The following KIRREL3 variants were observed in gnomAD, a reference collection of about 807,000 sequenced individuals.
The protein encoded by KIRREL3 is kin of IRRE-like protein 3.
A neutral mutation model predicts 89.7 loss-of-function variants in KIRREL3; 36 were observed. That is an observed-to-expected ratio of 0.40 (90% CI 0.31 to 0.53). The LOEUF (loss-of-function observed/expected upper bound fraction) is 0.53. Among genes scored for constraint, KIRREL3 ranks in the 20% least tolerant of loss-of-function variants. The pLI is 0.49. For missense variants in KIRREL3, 864 were observed against 1,056.6 expected, an observed-to-expected ratio of 0.82 and a Z score of 2.53; for synonymous variants, 445 against 441.4, an observed-to-expected ratio of 1.01 and a Z score of -0.10.
In KIRREL3 at chr11:126,923,236, T is replaced by C. The variant is rs1310706515; in HGVS notation, c.55+77219A>G. On this transcript the variant is annotated intron_variant, in intron 1 of 16. Transcript: ENST00000525144. ...TTCTTCTTCTTCTTCTTCTTCTTCT[T>C]CTTCTTCTTCTTCTTCTTCTTCTTC... Among the ~76,000 whole-genome samples, 27 of 46,142 alleles carry C rather than the reference T, an allele frequency of 5.9e-4. 1 individual carries two copies. The highest frequency in any genetic ancestry group is 5.0e-3 in the East Asian group (14 of 2,822). 30.3% of individuals were successfully genotyped at this position (46,142 alleles called of 152,430 possible).
At chr11:126,855,763 C>T (rs1820429311) in intron 1 of KIRREL3, among the ~76,000 whole-genome samples, 1 of 152,172 alleles carries the variant, frequency 6.6e-6, no homozygotes, top group Admixed American at 6.5e-5. Context: ...GGTCTAATGC[C>T]AGACTTGACA....
rs1956565063 is a variant in KIRREL3 at position 126,462,065 on chromosome 11, C to T, written c.742+1092G>A. 6.6e-6 allele frequency among the ~76,000 whole-genome samples: 1 copy of T among 152,168 alleles called. No individual in the cohort carries two copies. The highest frequency in any genetic ancestry group is 1.5e-5 in the Non-Finnish European group (1 of 68,020). ...AGAGGAAGGCCCCTGGAACACCTTG[C>T]TGAGCTCTTCTTGGTTCTGGGGCTG... On this transcript the variant is annotated intron_variant, in intron 6 of 16. Coordinates refer to ENST00000525144, the MANE Select transcript of KIRREL3 (RefSeq NM_032531.4). This position sits in a 1 kb window ranked among gnomAD's most constrained non-coding sequence, Gnocchi z 4.8.
At chr11:126,737,345 C>T (rs1259557585) in intron 1 of KIRREL3, among the ~76,000 whole-genome samples, 1 of 152,032 alleles carries the variant, frequency 6.6e-6, no homozygotes, top group Non-Finnish European at 1.5e-5. Flanking sequence ...AGAGACGGCA[C>T]AAGGCACAGT....
At position 126,995,208 on chromosome 11, in the gene KIRREL3, C is replaced by T. The variant is rs1344359336; in HGVS notation, c.55+5247G>A. 2.2e-6 allele frequency: 1 copy of T among 456,242 alleles called. No individual in the cohort carries two copies. Among genetic ancestry groups the T allele is most frequent in the Non-Finnish European group, 4.4e-6 (1 of 226,964 alleles). 28.3% of individuals were successfully genotyped at this position (456,242 alleles called of 1,614,324 possible). On this transcript the variant is annotated intron_variant, in intron 1 of 16. Coordinates refer to ENST00000525144, the MANE Select transcript of KIRREL3 (RefSeq NM_032531.4). This position sits in a 1 kb window ranked among gnomAD's most constrained non-coding sequence, Gnocchi z 6.5. ...CCCCAGAGCAGCTGCTCCCACCGAC[C>T]CTGCTCCAAGAGTGCTGGGATGTCC... is the stretch of plus-strand genomic sequence containing the variant.
intron 4 of KIRREL3, among the ~76,000 whole-genome samples, chr11:126,500,077 A>G (rs1957806289): frequency 6.6e-6 from 1 of 152,190 alleles, no homozygotes; most frequent in African/African-American, 2.4e-5. Flanking sequence ...TATGATTTCA[A>G]TGTAAATGCT....
rs189763877 is a variant in KIRREL3, at chr11:126,912,017, G to T, written c.55+88438C>A. Among the ~76,000 whole-genome samples the T allele has an allele frequency of 2.0e-5, 3 of 151,468 alleles. No homozygotes were observed. The stretch of plus-strand genomic sequence containing the variant: ...AAAAAAAAAAAAGAACGGCAACTGG[G>T]ATGACTCAGTAGAGACTGGGAAGGA... On this transcript the variant is annotated intron_variant, in intron 1 of 16. Transcript: ENST00000525144. This position sits in a 1 kb window ranked among gnomAD's most constrained non-coding sequence, Gnocchi z 4.7.
chr11:126,790,233 G>A (rs1950596645), intron 1 of KIRREL3, among the ~76,000 whole-genome samples: 1 of 152,172 alleles, frequency 6.6e-6, no homozygotes, highest in Non-Finnish European at 1.5e-5. Context: ...ACATTGCACT[G>A]GGCTTTAAGC....
chr11:126,424,467 T>A lies in KIRREL3; in HGVS notation c.*113A>T, dbSNP rs1486141012. 1.0e-6 allele frequency: 1 copy of A among 967,466 alleles called. No individual in the cohort carries two copies. Among genetic ancestry groups the A allele is most frequent in the Non-Finnish European group, 1.5e-6 (1 of 654,058 alleles). The allele number at this position is 967,466 out of a possible 1,614,324, so 59.9% of individuals were successfully genotyped here. On this transcript the variant is annotated 3_prime_UTR_variant, in exon 17 of 17. Coordinates refer to ENST00000525144, the MANE Select transcript of KIRREL3 (RefSeq NM_032531.4). ...GGCAGTGGCAGAGGCGCTGGGAGGC[T>A]GTCCTGGAAGTGGCCAATTCTGGTG...
chr11:126,994,324 C>T lies in KIRREL3; in HGVS notation c.55+6131G>A, dbSNP rs146904424. Among the ~76,000 whole-genome samples, 24 of 152,280 alleles carry T rather than the reference C, an allele frequency of 1.6e-4. No individual in the cohort carries two copies. The East Asian group carries it at 4.6e-3, about 29-fold the overall frequency. On this transcript the variant is annotated intron_variant, in intron 1 of 16. Coordinates refer to ENST00000525144, the MANE Select transcript of KIRREL3 (RefSeq NM_032531.4). This position sits in a 1 kb window ranked among gnomAD's most constrained non-coding sequence, Gnocchi z 5.2. The stretch of plus-strand genomic sequence containing the variant: ...TTGGCTGCCCCCTTTGCAGTTATTT[C>T]CAAGGAGAAGAAGGATGACTTCCTC...
rs1940152990 is a variant in KIRREL3 at position 126,561,913 on chromosome 11, A to T, written c.133+922T>A. ...GGAAAGAGGGCACTGAGACCATGCT[A>T]TGGGGATAGAGATGGTAGAAAGAAG... On this transcript the variant is annotated intron_variant, in intron 2 of 16. Coordinates refer to ENST00000525144, the MANE Select transcript of KIRREL3 (RefSeq NM_032531.4). This position sits in a 1 kb window ranked among gnomAD's most constrained non-coding sequence, Gnocchi z 4.5. 6.6e-6 allele frequency among the ~76,000 whole-genome samples: 1 copy of T among 152,106 alleles called. No individual in the cohort carries two copies. The highest frequency in any genetic ancestry group is 2.4e-5 in the African/African-American group (1 of 41,430).
At position 126,965,725 on chromosome 11, in the gene KIRREL3, G is replaced by A. The variant is rs619086; in HGVS notation, c.55+34730C>T. 0.83 allele frequency among the ~76,000 whole-genome samples: 125,703 copies of A among 151,998 alleles called. 52,126 individuals are homozygous for A. The highest frequency in any genetic ancestry group is 0.93 in the Middle Eastern group (271 of 292). The stretch of plus-strand genomic sequence containing the variant: ...TTATTTCCTTCTGACTTTGGAGTGC[G>A]TTATTTTCCCGTGTTTTACGTTGGC... On this transcript the variant is annotated intron_variant, in intron 1 of 16. Transcript: ENST00000525144. This position sits in a 1 kb window ranked among gnomAD's most constrained non-coding sequence, Gnocchi z 4.4.
Position 126,489,506 on chromosome 11 carries a change from T to C in KIRREL3, c.434-16040A>G, listed in dbSNP as rs1957453223. 6.6e-6 allele frequency among the ~76,000 whole-genome samples: 1 copy of C among 152,200 alleles called. No individual in the cohort carries two copies. Among genetic ancestry groups the C allele is most frequent in the South Asian group, 2.1e-4 (1 of 4,830 alleles). On this transcript the variant is annotated intron_variant, in intron 4 of 16. Transcript: ENST00000525144. This position sits in a 1 kb window ranked among gnomAD's most constrained non-coding sequence, Gnocchi z 5.5. ...TTCCAAAAGCTTCCTGATGGCCCTA[T>C]TGTTACTCCATCTTGGATTCCTGGG...
Position 126,838,933 on chromosome 11 carries a change from A to G in KIRREL3, c.55+161522T>C, listed in dbSNP as rs532779491. 1.1e-4 allele frequency among the ~76,000 whole-genome samples: 17 copies of G among 152,290 alleles called. No homozygotes were observed. In the South Asian group the frequency reaches 3.3e-3, roughly 30 times the overall value. On this transcript the variant is annotated intron_variant, in intron 1 of 16. Transcript: ENST00000525144. ...GCTCACTTCAGATTGTGTCTCTCAC[A>G]TTCCTGCTCCCAGGCCTGTAAACAG...
Position 126,587,871 on chromosome 11 carries a change from T to A in KIRREL3, c.56-24959A>T, listed in dbSNP as rs1170414005. ...CACTTCTTTTTAGTTTTCATGAGAG[T>A]GAGTGAATGCAAGGAATGAATGACT... On this transcript the variant is annotated intron_variant, in intron 1 of 16. Coordinates refer to ENST00000525144, the MANE Select transcript of KIRREL3 (RefSeq NM_032531.4). The surrounding 1 kb of genome is among the most constrained non-coding windows in gnomAD (Gnocchi z 5.2). 6.6e-6 allele frequency among the ~76,000 whole-genome samples: 1 copy of A among 152,070 alleles called. No homozygotes were observed. Among genetic ancestry groups the A allele is most frequent in the Non-Finnish European group, 1.5e-5 (1 of 68,018 alleles).
intron 1 of KIRREL3, among the ~76,000 whole-genome samples, chr11:126,756,263 G>A (rs946656101): frequency 3.3e-5 from 5 of 152,214 alleles, no homozygotes; most frequent in African/African-American, 4.8e-5. Flanking sequence ...CAACACTGCC[G>A]TGAGAATTGT....
chr11:126,563,866 C>A lies in KIRREL3; in HGVS notation c.56-954G>T, dbSNP rs993548758. On this transcript the variant is annotated intron_variant, in intron 1 of 16. Transcript: ENST00000525144. This position sits in a 1 kb window ranked among gnomAD's most constrained non-coding sequence, Gnocchi z 6.8. ...CAATAGCACACTAATTTTTTTGACC[C>A]CCCTCTACCCCCAAACAACTCACTG... 6.6e-6 allele frequency among the ~76,000 whole-genome samples: 1 copy of A among 152,002 alleles called. No homozygotes were observed. The highest frequency in any genetic ancestry group is 1.5e-5 in the Non-Finnish European group (1 of 68,006).
Position 126,639,858 on chromosome 11 carries a change from T to C in KIRREL3, c.56-76946A>G, listed in dbSNP as rs1176041844. On this transcript the variant is annotated intron_variant, in intron 1 of 16. Coordinates refer to ENST00000525144, the MANE Select transcript of KIRREL3 (RefSeq NM_032531.4). The surrounding 1 kb of genome is among the most constrained non-coding windows in gnomAD (Gnocchi z 4.3). ...GGCTGGGATCTGAGAAGGCTTAGTT[T>C]GATTACGCTTCATGGCCATCCAATC... Among the ~76,000 whole-genome samples, 1 of 152,194 alleles carries C rather than the reference T, an allele frequency of 6.6e-6. No homozygotes were observed. Among genetic ancestry groups the C allele is most frequent in the African/African-American group, 2.4e-5 (1 of 41,444 alleles).
chr11:126,631,643 C>A (rs551575004), intron 1 of KIRREL3, among the ~76,000 whole-genome samples: 1 of 152,352 alleles, frequency 6.6e-6, no homozygotes, highest in East Asian at 1.9e-4. Context: ...AGCAGGAGTA[C>A]ATGTCATGCT....
intron 1 of KIRREL3, among the ~76,000 whole-genome samples, chr11:126,941,943 C>A: frequency 6.6e-6 from 1 of 152,186 alleles, no homozygotes; most frequent in East Asian, 1.9e-4. Flanking sequence ...CTCTAAACTG[C>A]AAGACAATGT....
Sources: allele counts gnomAD v4.1 joint callset (sites outside exome capture counted in the v4.1 genomes callset), GRCh38; gene constraint gnomAD v4.1.1; non-coding constraint Gnocchi (gnomAD v3.1); transcripts MANE v1.5; gene names NCBI Gene and HGNC (gene_info 2026-07-23, HGNC 2026-07-21).